DENND2A: variants seen among roughly 807,000 people sequenced by gnomAD.
The protein encoded by DENND2A is DENN domain-containing protein 2A.
DENND2A carries 53 observed loss-of-function variants against 105.3 expected under a neutral mutation model. The ratio of observed to expected loss-of-function variants is 0.50; its 90% confidence interval spans 0.40 to 0.63. The LOEUF is 0.63. DENND2A is among the 30% of genes least tolerant of loss of function. DENND2A has a pLI of 0.00. For synonymous variants in DENND2A, 522 were observed against 508.4 expected (o/e 1.03, Z -0.36); for missense variants, 1,138 against 1,279.6 (o/e 0.89, Z 1.69).
rs560726395 is a variant in DENND2A at position 140,630,220 on chromosome 7, C to T, written c.-248+10284G>A. Among the ~76,000 whole-genome samples, 13 of 152,044 alleles carry T rather than the reference C, an allele frequency of 8.6e-5. No homozygotes were observed. The South Asian group carries it at 1.5e-3, about 17-fold the overall frequency. ...CGACCTCTTGTGCTCAAGTGATCCT[C>T]CCACCTCAGCCTCCTGAGTGGCTGG... is the stretch of plus-strand genomic sequence containing the variant. On this transcript the variant is annotated intron_variant, in intron 1 of 19. Coordinates refer to ENST00000496613, the MANE Select transcript of DENND2A (RefSeq NM_015689.5).
chr7:140,544,826 C>T (rs990808887), intron 13 of DENND2A, 60 bp from the exon 14 acceptor site: 34 of 1,547,830 alleles, frequency 2.2e-5, no homozygotes, highest in Non-Finnish European at 2.8e-5. Context: ...AGGCCTCTCA[C>T]GGGTGTCGCA....
At chr7:140,584,357 C>A (rs1798686450) in intron 5 of DENND2A, among the ~76,000 whole-genome samples, 1 of 152,234 alleles carries the variant, frequency 6.6e-6, no homozygotes, top group African/African-American at 2.4e-5. Flanking sequence ...TCAGTAGTTA[C>A]AACAGAGACC....
chr7:140,579,100 C>G (rs1798426192), intron 5 of DENND2A, among the ~76,000 whole-genome samples: 2 of 152,080 alleles, frequency 1.3e-5, no homozygotes, highest in Non-Finnish European at 2.9e-5. Context: ...TCGAGACCAT[C>G]TGGCCAACAT....
chr7:140,521,725 A>G (rs1355959378), intron 18 of DENND2A, 130 bp downstream of exon 18: 6 of 1,461,136 alleles, frequency 4.1e-6, no homozygotes, highest in Non-Finnish European at 5.5e-6. Flanking sequence ...GCATAACTGC[A>G]AGCTCTCTGG....
intron 3 of DENND2A, among the ~76,000 whole-genome samples, chr7:140,591,570 T>C (rs1263492201): frequency 6.6e-6 from 1 of 152,166 alleles, no homozygotes; most frequent in East Asian, 1.9e-4. Flanking sequence ...ATTTGATCTA[T>C]CATTGTCATG....
At chr7:140,569,382 G>A (rs1317063975) in intron 7 of DENND2A, among the ~76,000 whole-genome samples, 1 of 152,236 alleles carries the variant, frequency 6.6e-6, no homozygotes, top group Non-Finnish European at 1.5e-5. Flanking sequence ...GCTAAGCAAG[G>A]AAGGCTGCTC....
chr7:140,525,715 C>T (rs1474736761), intron 16 of DENND2A, 36 bp downstream of exon 16: 1 of 1,582,800 alleles, frequency 6.3e-7, no homozygotes, highest in South Asian at 1.2e-5. Context: ...TAGGTAAAGA[C>T]AAAGGGAGCA....
At chr7:140,594,757 C>T (rs1052953319) in intron 3 of DENND2A, among the ~76,000 whole-genome samples, 21 of 152,286 alleles carry the variant, frequency 1.4e-4, no homozygotes, top group Non-Finnish European at 2.6e-4. Context: ...TTCGCTCTGT[C>T]GCCAGGCTGG....
intron 15 of DENND2A, among the ~76,000 whole-genome samples, chr7:140,526,691 G>A (rs2130466015): frequency 6.6e-6 from 1 of 152,246 alleles, no homozygotes; most frequent in Middle Eastern, 3.4e-3. Flanking sequence ...GGACTATCTG[G>A]GCAATTAGAG....
rs1358231055 is a variant in DENND2A, at chr7:140,567,215, T to C, written c.1650A>G (p.Pro550=). Residue 550 remains proline (P), a synonymous_variant, in exon 9 of 20, where the codon CCA becomes CCG. Coordinates refer to ENST00000496613, the MANE Select transcript of DENND2A (RefSeq NM_015689.5). ...KSRLKQAPRY[P]SLARELIEYQ... is the part of the protein sequence containing the mutation. ...ACTCGATGAGTTCCCGGGCAAGTGA[T>C]GGGTACCGAGGCGCCTGCTTCAGCC... 1.2e-6 allele frequency: 2 copies of C among 1,612,444 alleles called. No homozygotes were observed. The highest frequency in any genetic ancestry group is 4.5e-5 in the East Asian group (2 of 44,802).
intron 1 of DENND2A, among the ~76,000 whole-genome samples, chr7:140,617,332 C>T (rs1343829455): frequency 1.3e-5 from 2 of 152,200 alleles, no homozygotes; most frequent in Non-Finnish European, 1.5e-5. Context: ...AAGGCTCCCC[C>T]GTACTCTAAA....
At chr7:140,565,353 A>T (rs73491595) in intron 9 of DENND2A, among the ~76,000 whole-genome samples, 5,688 of 151,880 alleles carry the variant, frequency 0.037, 355 homozygotes, top group African/African-American at 0.13. Flanking sequence ...GGAGATGGTT[A>T]TTTTATGTCC....
At chr7:140,586,381 A>AC (rs1416737866) in intron 4 of DENND2A, among the ~76,000 whole-genome samples, 1 of 143,996 alleles carries the variant, frequency 6.9e-6, no homozygotes, top group African/African-American at 2.9e-5. Flanking sequence ...ACACACACAC[A>AC]CACACACACA....
At chr7:140,604,251 G>C (rs74496562) in intron 2 of DENND2A, among the ~76,000 whole-genome samples, 4,068 of 152,362 alleles carry the variant, frequency 0.027, 72 homozygotes, top group African/African-American at 0.06. Context: ...AAGGTTGTTT[G>C]TGTAAAGACC....
chr7:140,581,571 G>A (rs865932840), intron 5 of DENND2A, among the ~76,000 whole-genome samples: 3 of 152,112 alleles, frequency 2.0e-5, no homozygotes, highest in East Asian at 1.9e-4. Flanking sequence ...GCCCAGATGC[G>A]GTAGATACTC....
chr7:140,563,689 A>G (rs946262686), intron 9 of DENND2A, among the ~76,000 whole-genome samples: 3 of 148,548 alleles, frequency 2.0e-5, no homozygotes, highest in Non-Finnish European at 3.0e-5. Context: ...AAAAAAAAAA[A>G]AAAAAAAAAA....
chr7:140,640,363 CAG>C lies in DENND2A; in HGVS notation c.-248+139_-248+140del, dbSNP rs1401729689. The stretch of plus-strand genomic sequence containing the variant: ...ACAGTCCCGGGACCAGGCGGGAACT[CAG>C]ACTCCCGTCTGCAGAGCCGCTTCCC... On this transcript the variant is annotated intron_variant, in intron 1 of 19. Transcript: ENST00000496613. This position sits in a 1 kb window ranked among gnomAD's most constrained non-coding sequence, Gnocchi z 4.9. The C allele has an allele frequency of 6.6e-6, 1 of 152,322 alleles. No homozygotes were observed. Among genetic ancestry groups the C allele is most frequent in the East Asian group, 1.9e-4 (1 of 5,138 alleles). 9.4% of individuals were successfully genotyped at this position (152,322 alleles called of 1,614,324 possible).
At chr7:140,548,966 C>T (rs1797011429) in intron 12 of DENND2A, among the ~76,000 whole-genome samples, 1 of 151,902 alleles carries the variant, frequency 6.6e-6, no homozygotes, top group Non-Finnish European at 1.5e-5. Context: ...CACCTGTAAT[C>T]CCAACATTTT....
In DENND2A at chr7:140,534,081, A is replaced by ATTT. The variant is rs3042407; in HGVS notation, c.2328-6589_2328-6587dup. Among the ~76,000 whole-genome samples, 46 of 80,088 alleles carry ATTT rather than the reference A, an allele frequency of 5.7e-4. 1 individual carries two copies. Among genetic ancestry groups the ATTT allele is most frequent in the African/African-American group, 1.3e-3 (26 of 19,540 alleles). 52.5% of individuals were successfully genotyped at this position (80,088 alleles called of 152,430 possible). A position where few individuals can be genotyped will look rare whatever the true frequency, so the allele number is the denominator to read the frequency against. On this transcript the variant is annotated intron_variant, in intron 14 of 19. Coordinates refer to ENST00000496613, the MANE Select transcript of DENND2A (RefSeq NM_015689.5). ...GGCACGTGCCACCAATGCCTGGTTA[A>ATTT]TTTTTTTTTTTTTTTTTTTTTGAGA...
Sources: allele counts gnomAD v4.1 joint callset (sites outside exome capture counted in the v4.1 genomes callset), GRCh38; gene constraint gnomAD v4.1.1; non-coding constraint Gnocchi (gnomAD v3.1); transcripts MANE v1.5; gene names NCBI Gene and HGNC (gene_info 2026-07-23, HGNC 2026-07-21).